KDM4B: variants seen among roughly 807,000 people sequenced by gnomAD.
The protein encoded by KDM4B is lysine-specific demethylase 4B.
In KDM4B, 32 loss-of-function variants were observed where a neutral mutation model predicts 125.2. The ratio of observed to expected loss-of-function variants is 0.26; its 90% CI spans 0.19 to 0.34. The LOEUF (loss-of-function observed/expected upper bound fraction) is 0.34. KDM4B is among the 10% of genes least tolerant of loss of function. The probability of loss-of-function intolerance (pLI) is 1.00; values close to 1 mark genes in which losing one functional copy is unlikely to be tolerated. For synonymous variants in KDM4B, 721 were observed against 677.9 expected (o/e 1.06, Z -0.99); for missense variants, 1,190 against 1,577.7 (o/e 0.75, Z 4.16).
At chr19:5,053,586 C>T (rs1294388523) in intron 6 of KDM4B, among the ~76,000 whole-genome samples, 2 of 152,210 alleles carry the variant, frequency 1.3e-5, no homozygotes, top group East Asian at 1.9e-4. Context: ...CACTGAGACC[C>T]GCTGCAGTGG....
At chr19:5,027,480 G>A (rs2036316284) in intron 2 of KDM4B, among the ~76,000 whole-genome samples, 1 of 152,070 alleles carries the variant, frequency 6.6e-6, no homozygotes, top group African/African-American at 2.4e-5. Flanking sequence ...TGCGAGTTCA[G>A]GAGAGCATTA....
intron 1 of KDM4B, among the ~76,000 whole-genome samples, chr19:5,007,060 C>T (rs962373175): frequency 3.9e-5 from 6 of 152,184 alleles, no homozygotes; most frequent in Admixed American, 6.5e-5. Context: ...CTGGGCGGAA[C>T]GGGGGAGGCG....
At chr19:5,113,128 G>C (rs2039183771) in intron 10 of KDM4B, 1 of 152,146 alleles carries the variant, frequency 6.6e-6, no homozygotes, top group Non-Finnish European at 1.5e-5. Context: ...ACCAGCCCTT[G>C]CGTGGCCTGG....
intron 6 of KDM4B, among the ~76,000 whole-genome samples, chr19:5,052,989 G>C (rs967852419): frequency 6.6e-6 from 1 of 152,234 alleles, no homozygotes; most frequent in African/African-American, 2.4e-5. Context: ...TGCTCTGGCT[G>C]GGCCACCAGA....
At chr19:4,978,506 CAAAAAAAAAAAAAA>C (rs58304162) in intron 1 of KDM4B, among the ~76,000 whole-genome samples, 24 of 36,408 alleles carry the variant, frequency 6.6e-4, no homozygotes, top group South Asian at 4.2e-3. Flanking sequence ...GACTCTGTCT[CAAAAAAAAAAAAAA>C]AAAAAAAAAA....
chr19:5,043,524 CA>C (rs2036904277), intron 5 of KDM4B, among the ~76,000 whole-genome samples: 2 of 140,280 alleles, frequency 1.4e-5, no homozygotes, highest in Non-Finnish European at 3.0e-5. Flanking sequence ...GGGTGTCCAC[CA>C]TATCCTACGT....
rs1344140159 is a variant in KDM4B at position 5,081,038 on chromosome 19, G to A, written c.781-1329G>A. 6.6e-6 allele frequency: 1 copy of A among 152,240 alleles called. No homozygotes were observed. Among genetic ancestry groups the A allele is most frequent in the Non-Finnish European group, 1.5e-5 (1 of 68,068 alleles). The allele number at this position is 152,240 out of a possible 1,614,324, so 9.4% of individuals were successfully genotyped here. A position where few individuals can be genotyped will look rare whatever the true frequency, so the allele number is the denominator to read the frequency against. ...AGCGCGTGCGTGGTTCGGTGGGGATGGCCTGGTAGAGGGCTGGTAGGAGGG... is the reference window on the plus strand; with the variant it reads ...AGCGCGTGCGTGGTTCGGTGGGGATAGCCTGGTAGAGGGCTGGTAGGAGGG... On this transcript the variant is annotated intron_variant, in intron 8 of 22. Transcript: ENST00000159111. The surrounding 1 kb of genome is among the most constrained non-coding windows in gnomAD (Gnocchi z 4.2).
Position 4,969,181 on chromosome 19 carries a change from G to T in KDM4B, c.-158G>T, listed in dbSNP as rs1399306881. On this transcript the variant is annotated 5_prime_UTR_variant, in exon 1 of 23. Coordinates refer to ENST00000159111, the MANE Select transcript of KDM4B (RefSeq NM_015015.3). ...GGCCTGGGGGTGCGACGCCGAGGGC[G>T]GGGGAGAGCGCGCCGCTGCTCCCGG... 6.7e-6 allele frequency: 1 copy of T among 150,270 alleles called. No individual in the cohort carries two copies. The highest frequency in any genetic ancestry group is 2.4e-5 in the African/African-American group (1 of 41,186). 9.3% of individuals were successfully genotyped at this position (150,270 alleles called of 1,614,324 possible).
At chr19:5,045,448 G>A (rs993540286) in intron 5 of KDM4B, among the ~76,000 whole-genome samples, 9 of 151,988 alleles carry the variant, frequency 5.9e-5, no homozygotes, top group Non-Finnish European at 7.4e-5. Flanking sequence ...GTGCAGTGGC[G>A]TGATCTAGGC....
At chr19:5,084,314 T>C (rs2038399914) in intron 9 of KDM4B, among the ~76,000 whole-genome samples, 2 of 146,306 alleles carry the variant, frequency 1.4e-5, no homozygotes, top group Non-Finnish European at 3.0e-5. Flanking sequence ...ATATTATGTA[T>C]AATTTATATA....
At chr19:5,090,620 C>T (rs1246681105) in intron 9 of KDM4B, among the ~76,000 whole-genome samples, 4 of 101,632 alleles carry the variant, frequency 3.9e-5, no homozygotes, top group Non-Finnish European at 2.0e-5. Context: ...CTCTCTGTCT[C>T]CCCGCTGCGC....
chr19:5,131,456 T>C lies in KDM4B; in HGVS notation c.1696T>C (p.Ser566Pro), dbSNP rs1010470417. 3.1e-6 allele frequency: 5 copies of C among 1,595,168 alleles called. No individual in the cohort carries two copies. In the African/African-American group the frequency reaches 7.3e-5, roughly 23 times the overall value. ...QKGPTWKEPV[S>P]PMELTGPEDG... ...GGGTCCGACCTGGAAGGAACCAGTT[T>C]CCCCCATGGAGCTGACGGGGCCAGA... Residue 566 changes from serine (S) to proline (P), a missense_variant, in exon 12 of 23, where the codon TCC becomes CCC. Physicochemically the swap from Ser to Pro is moderately conservative, Grantham distance 74. Transcript: ENST00000159111.
At chr19:5,104,260 G>A (rs1469879520) in intron 9 of KDM4B, among the ~76,000 whole-genome samples, 1 of 152,172 alleles carries the variant, frequency 6.6e-6, no homozygotes, top group African/African-American at 2.4e-5. Context: ...CGGGTCCCCT[G>A]GCTTCTCATA....
chr19:5,150,844 G>C (rs1255468287), intron 22 of KDM4B, among the ~76,000 whole-genome samples: 3 of 152,354 alleles, frequency 2.0e-5, no homozygotes, highest in East Asian at 3.9e-4. Flanking sequence ...GGGCACCCCA[G>C]TTGTCGGCTT....
At chr19:5,103,413 T>C (rs1031158001) in intron 9 of KDM4B, among the ~76,000 whole-genome samples, 1 of 152,186 alleles carries the variant, frequency 6.6e-6, no homozygotes, top group Non-Finnish European at 1.5e-5. Flanking sequence ...CCCCGCCCGC[T>C]TTCTCATTTT....
chr19:5,020,047 G>A (rs1179724888), intron 2 of KDM4B, among the ~76,000 whole-genome samples: 1 of 148,286 alleles, frequency 6.7e-6, no homozygotes, highest in Non-Finnish European at 1.5e-5. Flanking sequence ...TGGTGTGCAG[G>A]TGTCGGTGTG....
At chr19:4,979,252 C>T (rs2145313477) in intron 1 of KDM4B, among the ~76,000 whole-genome samples, 1 of 152,296 alleles carries the variant, frequency 6.6e-6, no homozygotes, top group South Asian at 2.1e-4. Flanking sequence ...CACTGCACTC[C>T]AGCCTGGGCA....
intron 10 of KDM4B, chr19:5,111,618 A>G: frequency 1.4e-6 from 1 of 701,326 alleles, no homozygotes; most frequent in Non-Finnish European, 2.6e-6. Flanking sequence ...CCCTTGGCAC[A>G]GTTGTCGACA....
intron 11 of KDM4B, among the ~76,000 whole-genome samples, chr19:5,120,133 G>A (rs982049904): frequency 3.9e-5 from 6 of 152,176 alleles, no homozygotes; most frequent in African/African-American, 1.4e-4. Flanking sequence ...AAGGTGGCAG[G>A]ATCACTTGAG....
Sources: allele counts gnomAD v4.1 joint callset (sites outside exome capture counted in the v4.1 genomes callset), GRCh38; gene constraint gnomAD v4.1.1; non-coding constraint Gnocchi (gnomAD v3.1); transcripts MANE v1.5; gene names NCBI Gene and HGNC (gene_info 2026-07-23, HGNC 2026-07-21).